The following ZNF827 variants were observed in gnomAD, a reference collection of about 807,000 sequenced individuals.
ZNF827 encodes zinc finger protein 827.
Under a neutral mutation model 102.4 loss-of-function variants are expected in ZNF827, and 13 were observed. The observed-to-expected ratio is 0.13, with a 90% confidence interval of 0.08 to 0.20. The LOEUF (loss-of-function observed/expected upper bound fraction) is 0.20, where lower values mean the gene tolerates loss of function less well. Among genes scored for constraint, ZNF827 ranks in the 10% least tolerant of loss-of-function variants. The pLI is 1.00. For synonymous variants in ZNF827, 523 were observed against 536.2 expected, an observed-to-expected ratio of 0.98 and a Z score of 0.34; for missense variants, 1,103 against 1,344.4, an observed-to-expected ratio of 0.82 and a Z score of 2.81.
intron 8 of ZNF827, among the ~76,000 whole-genome samples, chr4:145,798,451 A>C (rs1579222285): frequency 1.3e-5 from 2 of 152,190 alleles, no homozygotes; most frequent in Admixed American, 1.3e-4. Context: ...AGATCGCCTG[A>C]GATCAGGAGT....
At chr4:145,793,309 AC>A (rs1470104692) in intron 8 of ZNF827, among the ~76,000 whole-genome samples, 2 of 466 alleles carry the variant, frequency 4.3e-3, no homozygotes, top group South Asian at 0.1. Flanking sequence ...TCTTATATAT[AC>A]TTATATATAA....
chr4:145,914,699 A>G (rs1402196363), intron 1 of ZNF827, among the ~76,000 whole-genome samples: 2 of 152,238 alleles, frequency 1.3e-5, no homozygotes, highest in African/African-American at 4.8e-5. Context: ...AGGATACCCC[A>G]CAGCTAAATT....
chr4:145,873,466 A>G (rs1748887337), intron 4 of ZNF827, among the ~76,000 whole-genome samples: 1 of 152,222 alleles, frequency 6.6e-6, no homozygotes, highest in Admixed American at 6.5e-5. Context: ...ATGGGAGATA[A>G]GATCTTTGAA....
intron 5 of ZNF827, among the ~76,000 whole-genome samples, chr4:145,851,449 C>A (rs1746524559): frequency 6.6e-6 from 1 of 152,022 alleles, no homozygotes; most frequent in South Asian, 2.1e-4. Flanking sequence ...GCTATGCTTT[C>A]CCTGGAAAGC....
intron 5 of ZNF827, among the ~76,000 whole-genome samples, chr4:145,865,082 G>A (rs1221233725): frequency 6.6e-6 from 1 of 152,206 alleles, no homozygotes; most frequent in Non-Finnish European, 1.5e-5. Context: ...CTTAGATTAT[G>A]TAGAGGGGAG....
chr4:145,796,927 G>A (rs564529240), intron 8 of ZNF827, among the ~76,000 whole-genome samples: 14 of 152,230 alleles, frequency 9.2e-5, no homozygotes, highest in East Asian at 1.9e-4. Flanking sequence ...CAGCGTGCCC[G>A]GCCTCATTTG....
chr4:145,901,272 A>T (rs1751389074), intron 2 of ZNF827, among the ~76,000 whole-genome samples: 1 of 152,234 alleles, frequency 6.6e-6, no homozygotes, highest in South Asian at 2.1e-4. Context: ...GATATCCTTA[A>T]GAGACATCTG....
intron 1 of ZNF827, among the ~76,000 whole-genome samples, chr4:145,932,636 T>A (rs1753897156): frequency 6.6e-6 from 1 of 152,060 alleles, no homozygotes; most frequent in Admixed American, 6.5e-5. Flanking sequence ...CACCACGCCC[T>A]GCTAATTTTT....
At position 145,823,446 on chromosome 4, in the gene ZNF827, G is replaced by A; in HGVS notation, c.2359C>T (p.Leu787=). 1 of 1,613,842 alleles carries A rather than the reference G, an allele frequency of 6.2e-7. No individual in the cohort carries two copies. The highest frequency in any genetic ancestry group is 1.3e-5 in the African/African-American group (1 of 74,916). ...SKELLPSDSV[L]HGRISAPETE... is the part of the protein sequence containing the mutation. Reference sequence around the variant, plus strand: ...CCTGGAGCTGATATTCTTCCGTGCAGCACGGAGTCACTGGGCAGCAGTTCT... The same window carrying A: ...CCTGGAGCTGATATTCTTCCGTGCAACACGGAGTCACTGGGCAGCAGTTCT... Residue 787 remains leucine, a synonymous_variant, in exon 8 of 15, where the codon CTG becomes TTG. Coordinates refer to ENST00000508784, the MANE Select transcript of ZNF827 (RefSeq NM_001306215.2).
intron 8 of ZNF827, among the ~76,000 whole-genome samples, chr4:145,788,628 C>A (rs1475891018): frequency 6.6e-6 from 1 of 152,068 alleles, no homozygotes; most frequent in African/African-American, 2.4e-5. Context: ...TTGTACTGAA[C>A]AGCAACCTAA....
intron 5 of ZNF827, among the ~76,000 whole-genome samples, chr4:145,858,823 A>C (rs1401838790): frequency 6.6e-6 from 1 of 152,086 alleles, no homozygotes; most frequent in Non-Finnish European, 1.5e-5. Context: ...GAGCAAAAGA[A>C]GTTTTATTTT....
At chr4:145,838,433 C>T (rs1203526888) in intron 7 of ZNF827, among the ~76,000 whole-genome samples, 2 of 152,208 alleles carry the variant, frequency 1.3e-5, no homozygotes, top group African/African-American at 2.4e-5. Context: ...CACCTGCACC[C>T]AGGTGAAATA....
chr4:145,884,554 C>T (rs970126055), intron 4 of ZNF827, among the ~76,000 whole-genome samples: 1 of 152,140 alleles, frequency 6.6e-6, no homozygotes, highest in Non-Finnish European at 1.5e-5. Context: ...TTCCCCACCC[C>T]CTACATCTCC....
chr4:145,829,082 T>C lies in ZNF827; in HGVS notation c.2280-5557A>G, dbSNP rs576312678. Among the ~76,000 whole-genome samples the C allele has an allele frequency of 1.4e-3, 210 of 152,294 alleles. 1 individual carries two copies. The Middle Eastern group carries it at 0.02, about 15-fold the overall frequency. ...AACAGAAAAGAAGGTGAGTACAGAC[T>C]GTGAGAGAAAGTTTGGAAAAGACCT... On this transcript the variant is annotated intron_variant, in intron 7 of 14. Coordinates refer to ENST00000508784, the MANE Select transcript of ZNF827 (RefSeq NM_001306215.2).
At chr4:145,842,529 G>A (rs930563547) in intron 7 of ZNF827, among the ~76,000 whole-genome samples, 5 of 152,144 alleles carry the variant, frequency 3.3e-5, no homozygotes, top group Non-Finnish European at 5.9e-5. Context: ...AATGAGCATC[G>A]AGATAAATAA....
chr4:145,818,557 T>TAG (rs1313558742), intron 8 of ZNF827, among the ~76,000 whole-genome samples: 1 of 152,016 alleles, frequency 6.6e-6, no homozygotes, highest in Non-Finnish European at 1.5e-5. Flanking sequence ...ACATCCAATG[T>TAG]TCTATTGTTT....
At chr4:145,844,025 C>T (rs1221451174) in intron 7 of ZNF827, among the ~76,000 whole-genome samples, 1 of 152,160 alleles carries the variant, frequency 6.6e-6, no homozygotes, top group African/African-American at 2.4e-5. Flanking sequence ...TTCAAGAATC[C>T]TATGGCAGCA....
At chr4:145,896,074 A>T (rs1456046081) in intron 2 of ZNF827, among the ~76,000 whole-genome samples, 1 of 152,228 alleles carries the variant, frequency 6.6e-6, no homozygotes, top group Non-Finnish European at 1.5e-5. Context: ...ATAGGCAATA[A>T]TATTATTGGA....
At chr4:145,802,498 G>T (rs1332984591) in intron 8 of ZNF827, among the ~76,000 whole-genome samples, 1 of 152,244 alleles carries the variant, frequency 6.6e-6, no homozygotes, top group East Asian at 1.9e-4. Context: ...TGGCACAAAG[G>T]TGGGAGCAGG....
Sources: allele counts gnomAD v4.1 joint callset (sites outside exome capture counted in the v4.1 genomes callset), GRCh38; gene constraint gnomAD v4.1.1; transcripts MANE v1.5; gene names NCBI Gene and HGNC (gene_info 2026-07-23, HGNC 2026-07-21).